SAMD12: variants seen among roughly 807,000 people sequenced by gnomAD.
SAMD12 encodes the protein sterile alpha motif domain-containing protein 12.
A neutral mutation model predicts 15.0 loss-of-function variants in SAMD12; 9 were observed. That is an observed-to-expected ratio of 0.60 (90% CI 0.36 to 1.05). SAMD12 has a LOEUF of 1.05. SAMD12 is among the 50% of genes least tolerant of loss of function. The pLI is 0.01. For synonymous variants in SAMD12, 86 were observed against 90.1 expected (o/e 0.96, Z 0.25); for missense variants, 230 against 234.2 (o/e 0.98, Z 0.12).
At chr8:118,446,985 T>G (rs1466703659) in intron 2 of SAMD12, among the ~76,000 whole-genome samples, 1 of 152,164 alleles carries the variant, frequency 6.6e-6, no homozygotes, top group Non-Finnish European at 1.5e-5. Flanking sequence ...AAAATTGAGC[T>G]CCTGTTCTTC....
At chr8:118,545,084 T>C (rs1463462203) in intron 2 of SAMD12, among the ~76,000 whole-genome samples, 1 of 152,186 alleles carries the variant, frequency 6.6e-6, no homozygotes. Context: ...TACAAGTCGG[T>C]AGACCTTGGA....
chr8:118,203,703 G>A (rs1316538087), intron 4 of SAMD12, among the ~76,000 whole-genome samples: 9 of 151,112 alleles, frequency 6.0e-5, no homozygotes, highest in Admixed American at 5.9e-4. Flanking sequence ...TTTACATTAG[G>A]TATATCTCCT....
chr8:118,164,663 C>T, the SAMD12 span, among the ~76,000 whole-genome samples: 1 of 151,740 alleles, frequency 6.6e-6, no homozygotes, highest in Non-Finnish European at 1.5e-5. Context: ...GGGCTCATGT[C>T]TCTGCTCTGG....
chr8:118,217,164 C>A (rs2514963), intron 4 of SAMD12, among the ~76,000 whole-genome samples: 75,476 of 151,570 alleles, frequency 0.5, 20,542 homozygotes, highest in Non-Finnish European at 0.62. Flanking sequence ...CCACCACACC[C>A]AGCTAATTTT....
the SAMD12 span, among the ~76,000 whole-genome samples, chr8:118,163,006 T>A: frequency 6.6e-6 from 1 of 152,298 alleles, no homozygotes; most frequent in South Asian, 2.1e-4. Flanking sequence ...AACCTGATTT[T>A]GAGGGGTTAA....
At chr8:118,316,541 C>CA (rs1815915468) in intron 4 of SAMD12, among the ~76,000 whole-genome samples, 2 of 148,632 alleles carry the variant, frequency 1.3e-5, no homozygotes, top group South Asian at 2.1e-4. Flanking sequence ...TCAAAACAAA[C>CA]AAACAAAAAT....
At chr8:118,609,208 C>G (rs1175949893) in intron 1 of SAMD12, among the ~76,000 whole-genome samples, 1 of 152,166 alleles carries the variant, frequency 6.6e-6, no homozygotes, top group African/African-American at 2.4e-5. Flanking sequence ...CATCAAGGAA[C>G]AAAAGTTTGC....
At chr8:118,349,027 C>T (rs960802837) in intron 4 of SAMD12, among the ~76,000 whole-genome samples, 3 of 152,202 alleles carry the variant, frequency 2.0e-5, no homozygotes, top group Non-Finnish European at 2.9e-5. Context: ...GAGCAAGACT[C>T]TAAACAGCCT....
intron 1 of SAMD12, among the ~76,000 whole-genome samples, chr8:118,616,319 C>G (rs1828238209): frequency 6.6e-6 from 1 of 152,126 alleles, no homozygotes; most frequent in Non-Finnish European, 1.5e-5. Context: ...CCCACCCATT[C>G]CTTCATTTGT....
At chr8:118,340,759 ACT>A (rs1432099664) in intron 4 of SAMD12, among the ~76,000 whole-genome samples, 2 of 152,082 alleles carry the variant, frequency 1.3e-5, no homozygotes, top group African/African-American at 2.4e-5. Context: ...ACAGAGTGAG[ACT>A]CTGTCTCAAA....
chr8:118,504,430 C>T (rs1247409863), intron 2 of SAMD12, among the ~76,000 whole-genome samples: 1 of 152,204 alleles, frequency 6.6e-6, no homozygotes, highest in Non-Finnish European at 1.5e-5. Context: ...GATGGTGAGA[C>T]AGTCTGGGGT....
intron 3 of SAMD12, among the ~76,000 whole-genome samples, chr8:118,391,487 T>G (rs1468771239): frequency 1.3e-5 from 2 of 152,204 alleles, no homozygotes; most frequent in Admixed American, 1.3e-4. Flanking sequence ...TTAACAAGCA[T>G]CTTCTTGCCC....
intron 3 of SAMD12, among the ~76,000 whole-genome samples, chr8:118,387,915 A>C (rs1436308152): frequency 1.3e-5 from 2 of 152,178 alleles, no homozygotes; most frequent in African/African-American, 4.8e-5. Flanking sequence ...TGGGTCTCTG[A>C]AAGTAGCCAT....
intron 2 of SAMD12, among the ~76,000 whole-genome samples, chr8:118,458,456 T>C (rs1193021469): frequency 2.0e-5 from 3 of 152,318 alleles, no homozygotes; most frequent in East Asian, 3.9e-4. Flanking sequence ...ACCCCTTTGA[T>C]TTGAAAGCAC....
At chr8:118,570,148 C>G (rs1040763679) in intron 2 of SAMD12, among the ~76,000 whole-genome samples, 1 of 152,130 alleles carries the variant, frequency 6.6e-6, no homozygotes, top group Non-Finnish European at 1.5e-5. Flanking sequence ...AGAGCCACAC[C>G]ATCTGAAATC....
chr8:118,401,239 A>G lies in SAMD12; in HGVS notation c.323-21539T>C, dbSNP rs372301250. ...ATATTCCTAGAGTTCTCCCTTATTC[A>G]TAGAGTACTTTGAAAACTGAACATG... On this transcript the variant is annotated intron_variant, in intron 3 of 3. Transcript: ENST00000314727. 2.6e-4 allele frequency among the ~76,000 whole-genome samples: 39 copies of G among 152,312 alleles called. 1 individual carries two copies. Among genetic ancestry groups the G allele is most frequent in the African/African-American group, 9.4e-4 (39 of 41,582 alleles).
intron 3 of SAMD12, chr8:118,400,341 G>A (rs147177898): frequency 2.0e-5 from 3 of 152,326 alleles, no homozygotes; most frequent in Non-Finnish European, 2.9e-5. Context: ...AAGAGGCGAT[G>A]CCGTGGGTCA....
chr8:118,165,626 A>ACACATATATACGTATATATGTG, the SAMD12 span, among the ~76,000 whole-genome samples: 5 of 143,606 alleles, frequency 3.5e-5, no homozygotes, highest in Admixed American at 1.4e-4. Context: ...ATATATATAT[A>ACACATATATACGTATATATGTG]TATATATATA....
chr8:118,614,488 G>C (rs543663508), intron 1 of SAMD12, among the ~76,000 whole-genome samples: 1 of 152,268 alleles, frequency 6.6e-6, no homozygotes, highest in African/African-American at 2.4e-5. Context: ...GTCCTGCACT[G>C]TGGAGGCAGT....
Sources: allele counts gnomAD v4.1 joint callset (sites outside exome capture counted in the v4.1 genomes callset), GRCh38; gene constraint gnomAD v4.1.1; transcripts MANE v1.5; gene names NCBI Gene and HGNC (gene_info 2026-07-23, HGNC 2026-07-21).